The following ABCC6 variants were observed in gnomAD, a reference collection of about 807,000 sequenced individuals.
The protein encoded by ABCC6 is ATP binding cassette subfamily C member 6.
A neutral mutation model predicts 169.5 loss-of-function variants in ABCC6; 126 were observed. The observed-to-expected ratio is 0.74, with a 90% CI of 0.64 to 0.86. ABCC6 has a LOEUF of 0.86. Among genes scored for constraint, ABCC6 ranks in the 40% least tolerant of loss-of-function variants. The pLI is 0.00. For missense variants in ABCC6, 1,733 were observed against 1,927.2 expected (o/e 0.90, Z 1.89); for synonymous variants, 752 against 814.7 (o/e 0.92, Z 1.31).
chr16:16,197,848 C>T (rs906979833), intron 10 of ABCC6, among the ~76,000 whole-genome samples, 173 bp downstream of exon 10: 25 of 151,470 alleles, frequency 1.7e-4, no homozygotes, highest in African/African-American at 5.1e-4. Flanking sequence ...TCTCTGACAC[C>T]AACCTGGTTC....
At chr16:16,173,449 T>A in intron 20 of ABCC6, 45 bp from the exon 21 acceptor site, 1 of 1,613,772 alleles carries the variant, frequency 6.2e-7, no homozygotes. Flanking sequence ...TCTCTCCCAA[T>A]GGTGGGGTGT....
In ABCC6 at chr16:16,214,390, C is replaced by T; in HGVS notation, c.534G>A (p.Val178=). ...CCAGGCAGGACAGCACAAACTGTGC[C>T]ACCACCAGAGACAGGCATAGGTAGG... ...LSTYLCLSLV[V]AQFVLSCLAD... is the part of the protein sequence containing the mutation. Residue 178 remains valine (V), a synonymous_variant, in exon 5 of 31, where the codon GTG becomes GTA. Transcript: ENST00000205557. 6.4e-7 allele frequency: 1 copy of T among 1,551,190 alleles called. No homozygotes were observed.
chr16:16,204,060 C>T (rs2048323273), intron 7 of ABCC6, among the ~76,000 whole-genome samples: 1 of 151,638 alleles, frequency 6.6e-6, no homozygotes, highest in African/African-American at 2.4e-5. Flanking sequence ...TTTTTCTTTT[C>T]CTTTTTTTTT....
At chr16:16,186,973 G>A in intron 14 of ABCC6, 151 bp downstream of exon 14, 1 of 704,670 alleles carries the variant, frequency 1.4e-6, no homozygotes, top group Non-Finnish European at 2.5e-6. Context: ...CAGTTTCCAA[G>A]TGACACGCAG....
chr16:16,196,162 G>A (rs1455787580), intron 10 of ABCC6, among the ~76,000 whole-genome samples: 1 of 145,272 alleles, frequency 6.9e-6, no homozygotes, highest in Non-Finnish European at 1.5e-5. Context: ...GTGAGCCGAA[G>A]TTGTGCCATT....
intron 13 of ABCC6, 136 bp downstream of exon 13, chr16:16,188,695 T>C: frequency 1.5e-6 from 2 of 1,302,470 alleles, no homozygotes; most frequent in South Asian, 2.5e-5. Flanking sequence ...ACCCGCCTCT[T>C]TTCCAGCTCC....
chr16:16,152,192 CA>C (rs61339757), intron 29 of ABCC6, among the ~76,000 whole-genome samples: 132 of 40,300 alleles, frequency 3.3e-3, no homozygotes, highest in African/African-American at 0.014. Flanking sequence ...GACTCTGTCT[CA>C]AAAAAAAAAA....
chr16:16,197,864 C>T (rs2048101871), intron 10 of ABCC6, among the ~76,000 whole-genome samples, 157 bp downstream of exon 10: 1 of 151,098 alleles, frequency 6.6e-6, no homozygotes, highest in African/African-American at 2.4e-5. Flanking sequence ...GGTTCTCCCA[C>T]AGCCTCAGAC....
At chr16:16,174,983 C>G (rs1296894678) in intron 20 of ABCC6, among the ~76,000 whole-genome samples, 1 of 151,442 alleles carries the variant, frequency 6.6e-6, no homozygotes, top group Admixed American at 6.6e-5. Flanking sequence ...CCATGTTGGC[C>G]AGGCTGGTCT....
At chr16:16,197,696 G>C (rs982556715) in intron 10 of ABCC6, among the ~76,000 whole-genome samples, 10 of 134,960 alleles carry the variant, frequency 7.4e-5, no homozygotes, top group Non-Finnish European at 1.4e-4. Flanking sequence ...AGGAGGGAGG[G>C]TGCAGGGAGG....
chr16:16,212,833 A>C (rs2048685754), intron 5 of ABCC6, among the ~76,000 whole-genome samples: 1 of 152,098 alleles, frequency 6.6e-6, no homozygotes, highest in Admixed American at 6.5e-5. Flanking sequence ...AGGACACTGC[A>C]TAACGAAGAA....
rs2152278398 is a variant in ABCC6 at position 16,198,113 on chromosome 16, C to T, written c.1246G>A (p.Asp416Asn). The T allele has an allele frequency of 6.2e-7, 1 of 1,612,938 alleles. No homozygotes were observed. Among genetic ancestry groups the T allele is most frequent in the Non-Finnish European group, 8.5e-7 (1 of 1,179,560 alleles). Residue 416 changes from aspartate (D) to asparagine (N), a missense_variant, in exon 10 of 31, where the codon GAC becomes AAC. Physicochemically the swap from Asp to Asn is conservative, Grantham distance 23. This residue lies in a region of ABCC6 where 1,601 missense variants were observed against 1,635.5 expected (regional missense o/e 0.98). Coordinates refer to ENST00000205557, the MANE Select transcript of ABCC6 (RefSeq NM_001171.6). ...ACGCTCTCGGTCAGCCGCTGCACGT[C>T]CACGGACACCAGATTGACCACATCA... ...VGDVVNLVSVDVQRLTESVLY... is the reference protein window; with the variant it reads ...VGDVVNLVSVNVQRLTESVLY...
At chr16:16,193,671 A>C (rs1009640102) in intron 10 of ABCC6, among the ~76,000 whole-genome samples, 2 of 152,162 alleles carry the variant, frequency 1.3e-5, no homozygotes, top group Admixed American at 6.5e-5. Flanking sequence ...CCACGATCGC[A>C]CCACTGCACT....
intron 22 of ABCC6, among the ~76,000 whole-genome samples, chr16:16,168,093 C>G (rs79538849): frequency 1.3e-3 from 194 of 152,340 alleles, no homozygotes; most frequent in African/African-American, 4.6e-3. Flanking sequence ...CTGGCGCCCC[C>G]TATTTTACAG....
At chr16:16,202,359 C>A (rs1335420512) in intron 8 of ABCC6, among the ~76,000 whole-genome samples, 181 bp from the exon 9 acceptor site, 4 of 151,810 alleles carry the variant, frequency 2.6e-5, no homozygotes, top group Non-Finnish European at 4.4e-5. Flanking sequence ...ACTGTCCATA[C>A]TCCTTTTCAA....
intron 21 of ABCC6, among the ~76,000 whole-genome samples, chr16:16,172,241 G>T (rs192769070): frequency 6.9e-6 from 1 of 144,072 alleles, no homozygotes; most frequent in African/African-American, 2.5e-5. Context: ...GGGTGGGTGG[G>T]ATGGATAAAT....
At chr16:16,206,092 C>G (rs73524083) in intron 7 of ABCC6, among the ~76,000 whole-genome samples, 1 of 152,222 alleles carries the variant, frequency 6.6e-6, no homozygotes, top group East Asian at 1.9e-4. Context: ...TGAGGTTCTG[C>G]TCAGTTCTAT....
intron 16 of ABCC6, 42 bp from the exon 17 acceptor site, chr16:16,182,630 C>T (rs972364778): frequency 6.2e-7 from 1 of 1,605,726 alleles, no homozygotes; most frequent in Admixed American, 1.7e-5. Context: ...ATGATGGGGA[C>T]AGAGGTGGGA....
At chr16:16,190,506 A>T in intron 11 of ABCC6, 139 bp from the exon 12 acceptor site, 1 of 894,428 alleles carries the variant, frequency 1.1e-6, no homozygotes, top group Non-Finnish European at 1.8e-6. Context: ...AGCACCTCTG[A>T]CCCTCACTCC....
Sources: allele counts gnomAD v4.1 joint callset (sites outside exome capture counted in the v4.1 genomes callset), GRCh38; gene constraint gnomAD v4.1.1; regional missense constraint gnomAD v4.1.1; transcripts MANE v1.5; gene names NCBI Gene and HGNC (gene_info 2026-07-23, HGNC 2026-07-21).